MAML2: variants seen among roughly 807,000 people sequenced by gnomAD.
MAML2 encodes mastermind-like protein 2.
MAML2 carries 22 observed loss-of-function variants against 96.1 expected under a neutral mutation model. That is an observed-to-expected ratio of 0.23 (90% confidence interval 0.16 to 0.33). The LOEUF is 0.33. MAML2 is among the 10% of genes least tolerant of loss of function. The probability of loss-of-function intolerance (pLI) is 1.00; values close to 1 mark genes in which losing one functional copy is unlikely to be tolerated. For synonymous variants in MAML2, 561 were observed against 521.3 expected, an observed-to-expected ratio of 1.08 and a Z score of -1.04; for missense variants, 1,367 against 1,392.4, an observed-to-expected ratio of 0.98 and a Z score of 0.29.
rs183815079 is a variant in MAML2 at position 96,225,708 on chromosome 11, C to T, written c.513+115675G>A. On this transcript the variant is annotated intron_variant, in intron 1 of 4. Coordinates refer to ENST00000524717, the MANE Select transcript of MAML2 (RefSeq NM_032427.4). Reference sequence around the variant, plus strand: ...ATTAGCTGGGCGTGGTGGCGGATACCTGTAGTCCCAGCTACTTGGGAGGCC... The same window carrying T: ...ATTAGCTGGGCGTGGTGGCGGATACTTGTAGTCCCAGCTACTTGGGAGGCC... 2.1e-3 allele frequency among the ~76,000 whole-genome samples: 324 copies of T among 152,122 alleles called. 1 individual carries two copies. The highest frequency in any genetic ancestry group is 7.7e-3 in the African/African-American group (318 of 41,482).
intron 4 of MAML2, among the ~76,000 whole-genome samples, chr11:95,980,459 C>G (rs1483921801): frequency 1.3e-5 from 2 of 152,110 alleles, no homozygotes; most frequent in Non-Finnish European, 2.9e-5. Context: ...GAATCATCCC[C>G]ATTCAAGAAG....
chr11:96,107,000 TG>T, intron 1 of MAML2, among the ~76,000 whole-genome samples: 1 of 149,972 alleles, frequency 6.7e-6, no homozygotes. Flanking sequence ...TTTTGACCAG[TG>T]TATTTTCTTC....
intron 2 of MAML2, among the ~76,000 whole-genome samples, chr11:96,029,345 T>C (rs932471879): frequency 6.6e-6 from 1 of 152,102 alleles, no homozygotes; most frequent in African/African-American, 2.4e-5. Flanking sequence ...GATTTTTACA[T>C]CGTAAAAATG....
At chr11:96,265,649 A>G (rs541602153) in intron 1 of MAML2, among the ~76,000 whole-genome samples, 1 of 152,296 alleles carries the variant, frequency 6.6e-6, no homozygotes, top group South Asian at 2.1e-4. Context: ...CAGAGACAGA[A>G]GCAGCTGGAC....
At chr11:96,228,973 A>C (rs1940034) in intron 1 of MAML2, among the ~76,000 whole-genome samples, 1 of 66,192 alleles carries the variant, frequency 1.5e-5, no homozygotes, top group Non-Finnish European at 2.6e-5. Context: ...CTAGTTGAAC[A>C]AAAAAAAAAT....
In MAML2 at chr11:96,334,228, T is replaced by G. The variant is rs142858627; in HGVS notation, c.513+7155A>C. On this transcript the variant is annotated intron_variant, in intron 1 of 4. Transcript: ENST00000524717. ...CCATGCTCTTCCTCTAAATGTCTGA[T>G]GCATTACTGGAAACACAATTCTGGG... 3.9e-3 allele frequency among the ~76,000 whole-genome samples: 589 copies of G among 152,326 alleles called. 3 individuals carry two copies. The highest frequency in any genetic ancestry group is 0.024 in the Middle Eastern group (7 of 294).
intron 2 of MAML2, among the ~76,000 whole-genome samples, chr11:96,011,540 G>A (rs1318685543): frequency 2.0e-5 from 3 of 152,078 alleles, no homozygotes; most frequent in Non-Finnish European, 4.4e-5. Context: ...ACATAAAGCT[G>A]GGAACAACAG....
At chr11:96,047,778 G>C (rs1010855473) in intron 2 of MAML2, among the ~76,000 whole-genome samples, 2 of 151,716 alleles carry the variant, frequency 1.3e-5, no homozygotes, top group East Asian at 1.9e-4. Flanking sequence ...GCATGGTGGT[G>C]GTGGGCACCT....
chr11:96,038,955 A>G (rs1858761764), intron 2 of MAML2, among the ~76,000 whole-genome samples: 1 of 152,218 alleles, frequency 6.6e-6, no homozygotes. Context: ...AAATAAATGA[A>G]TGAAAATAAT....
intron 1 of MAML2, among the ~76,000 whole-genome samples, chr11:96,148,719 C>CA (rs1332998635): frequency 6.7e-6 from 1 of 149,654 alleles, no homozygotes; most frequent in Non-Finnish European, 1.5e-5. Context: ...TAAGCACGCA[C>CA]ACTACCTGAT....
chr11:96,209,238 T>C (rs866103043), intron 1 of MAML2, among the ~76,000 whole-genome samples: 1 of 80,032 alleles, frequency 1.2e-5, no homozygotes, highest in African/African-American at 5.1e-5. Flanking sequence ...GGGTGGGGGG[T>C]GGGGGGGCAG....
chr11:96,270,702 T>C (rs956483372), intron 1 of MAML2, among the ~76,000 whole-genome samples: 5 of 152,324 alleles, frequency 3.3e-5, no homozygotes, highest in African/African-American at 1.2e-4. Flanking sequence ...GAATGATCCA[T>C]TGAATACCTA....
intron 1 of MAML2, among the ~76,000 whole-genome samples, chr11:96,141,133 A>G (rs1198238559): frequency 1.3e-5 from 2 of 152,174 alleles, no homozygotes; most frequent in African/African-American, 2.4e-5. Flanking sequence ...ATATGGGGGA[A>G]GAAGGATGAC....
intron 1 of MAML2, among the ~76,000 whole-genome samples, chr11:96,096,428 A>G (rs1859829812): frequency 6.6e-6 from 1 of 152,246 alleles, no homozygotes; most frequent in South Asian, 2.1e-4. Flanking sequence ...TCACAACTCT[A>G]TATAAAGTTG....
chr11:96,000,928 A>C (rs1020470543), intron 2 of MAML2, among the ~76,000 whole-genome samples: 7 of 152,176 alleles, frequency 4.6e-5, no homozygotes, highest in African/African-American at 1.4e-4. Flanking sequence ...GTGGAGATGA[A>C]GGTCAAGCTT....
At chr11:96,281,459 G>A (rs1591111669) in intron 1 of MAML2, among the ~76,000 whole-genome samples, 2 of 152,260 alleles carry the variant, frequency 1.3e-5, no homozygotes, top group Non-Finnish European at 1.5e-5. Flanking sequence ...GGCTAGGGTA[G>A]CCCACAGTGG....
intron 2 of MAML2, among the ~76,000 whole-genome samples, chr11:96,034,740 G>A (rs1858685250): frequency 6.6e-6 from 1 of 152,072 alleles, no homozygotes; most frequent in Non-Finnish European, 1.5e-5. Flanking sequence ...ATATTCTAAA[G>A]GGAAAATACA....
chr11:96,099,156 G>T (rs971629038), intron 1 of MAML2, among the ~76,000 whole-genome samples: 2 of 152,054 alleles, frequency 1.3e-5, no homozygotes, highest in Non-Finnish European at 2.9e-5. Flanking sequence ...GAATATCTTG[G>T]TTCCATCATC....
In MAML2 at chr11:95,986,570, G is replaced by A. The variant is rs576356085; in HGVS notation, c.2344-928C>T. 2.2e-4 allele frequency among the ~76,000 whole-genome samples: 33 copies of A among 152,134 alleles called. 1 individual carries two copies. Among genetic ancestry groups the A allele is most frequent in the East Asian group, 5.8e-4 (3 of 5,182 alleles). The stretch of plus-strand genomic sequence containing the variant: ...TGTCAGGAGATAACCAACAGGTACC[G>A]ATATAGGCACTATATGAATTTTATC... On this transcript the variant is annotated intron_variant, in intron 3 of 4. Coordinates refer to ENST00000524717, the MANE Select transcript of MAML2 (RefSeq NM_032427.4).
Sources: allele counts gnomAD v4.1 joint callset (sites outside exome capture counted in the v4.1 genomes callset), GRCh38; gene constraint gnomAD v4.1.1; transcripts MANE v1.5; gene names NCBI Gene and HGNC (gene_info 2026-07-23, HGNC 2026-07-21).